TET3: variants seen among roughly 807,000 people sequenced by gnomAD.
The protein encoded by TET3 is methylcytosine dioxygenase TET3.
Under a neutral mutation model 141.4 loss-of-function variants are expected in TET3, and 19 were observed. That is an observed-to-expected ratio of 0.13 (90% confidence interval 0.09 to 0.20). TET3 has a LOEUF of 0.20. TET3 is among the 10% of genes least tolerant of loss of function. The pLI is 1.00. For synonymous variants in TET3, 1,043 were observed against 980.9 expected, an observed-to-expected ratio of 1.06 and a Z score of -1.18; for missense variants, 1,874 against 2,356.9, an observed-to-expected ratio of 0.80 and a Z score of 4.24.
chr2:73,985,460 G>C (rs1312002458), intron 1 of TET3, among the ~76,000 whole-genome samples: 1 of 143,164 alleles, frequency 7.0e-6, no homozygotes, highest in East Asian at 2.1e-4. Flanking sequence ...CCCTCCCCGC[G>C]CCCCTCGGCG....
intron 6 of TET3, among the ~76,000 whole-genome samples, chr2:74,085,987 A>G (rs1251145542): frequency 6.6e-6 from 1 of 152,144 alleles, no homozygotes; most frequent in Non-Finnish European, 1.5e-5. Context: ...TTTTGCTTGC[A>G]TTATGTCAAT....
intron 3 of TET3, among the ~76,000 whole-genome samples, chr2:74,020,356 G>A (rs1486054579): frequency 6.6e-6 from 1 of 152,106 alleles, no homozygotes; most frequent in Non-Finnish European, 1.5e-5. Context: ...GCTATTCTTT[G>A]TATTTTTTTA....
chr2:74,055,504 G>A (rs1333342442), intron 4 of TET3, among the ~76,000 whole-genome samples: 1 of 152,160 alleles, frequency 6.6e-6, no homozygotes, highest in African/African-American at 2.4e-5. Flanking sequence ...CATGGCTGTG[G>A]CTTTGTAACT....
At chr2:74,060,575 G>A (rs1407873313) in intron 4 of TET3, among the ~76,000 whole-genome samples, 1 of 151,910 alleles carries the variant, frequency 6.6e-6, no homozygotes, top group African/African-American at 2.4e-5. Flanking sequence ...CTCGCAGAGG[G>A]GGATTTGGCA....
chr2:74,105,647 C>A lies in TET3; in HGVS notation c.*3471C>A, dbSNP rs1691451560. 1 of 356,536 alleles carries A rather than the reference C, an allele frequency of 2.8e-6. No individual in the cohort carries two copies. Among genetic ancestry groups the A allele is most frequent in the Non-Finnish European group, 5.0e-6 (1 of 199,380 alleles). The allele number at this position is 356,536 out of a possible 1,614,324, so 22.1% of individuals were successfully genotyped here. On this transcript the variant is annotated 3_prime_UTR_variant, in exon 12 of 12. Coordinates refer to ENST00000409262, the MANE Select transcript of TET3 (RefSeq NM_001287491.2). Reference sequence around the variant, plus strand: ...CACCGCCCCCTCTTGGTCCTTCCACCAGCCTCTTTTGGGAACAGTAGTTTG... The same window carrying A: ...CACCGCCCCCTCTTGGTCCTTCCACAAGCCTCTTTTGGGAACAGTAGTTTG...
chr2:74,108,047 T>C lies in TET3; in HGVS notation c.*5871T>C, dbSNP rs1299530416. On this transcript the variant is annotated 3_prime_UTR_variant, in exon 12 of 12. Coordinates refer to ENST00000409262, the MANE Select transcript of TET3 (RefSeq NM_001287491.2). Reference sequence around the variant, plus strand: ...TTAGGGTGCCTAGAAATTGCAAGTATGTATCCTTTTTGATTTGTATTTTAT... The same window carrying C: ...TTAGGGTGCCTAGAAATTGCAAGTACGTATCCTTTTTGATTTGTATTTTAT... The C allele has an allele frequency of 6.5e-6, 1 of 153,788 alleles. No individual in the cohort carries two copies. Among genetic ancestry groups the C allele is most frequent in the African/African-American group, 2.4e-5 (1 of 41,452 alleles). The allele number at this position is 153,788 out of a possible 1,614,324, so 9.5% of individuals were successfully genotyped here.
chr2:74,060,776 A>G (rs1161886927), intron 4 of TET3, among the ~76,000 whole-genome samples: 3 of 152,216 alleles, frequency 2.0e-5, no homozygotes, highest in African/African-American at 7.2e-5. Context: ...CACATCTTGC[A>G]CCGCCCTTAA....
the TET3 span, among the ~76,000 whole-genome samples, chr2:74,125,472 A>G: frequency 6.6e-6 from 1 of 152,192 alleles, no homozygotes; most frequent in Non-Finnish European, 1.5e-5. Context: ...CAAGTTTTTC[A>G]TGCTGAGATG....
At chr2:74,037,310 A>C (rs951735509) in intron 3 of TET3, among the ~76,000 whole-genome samples, 2 of 152,282 alleles carry the variant, frequency 1.3e-5, no homozygotes, top group African/African-American at 4.8e-5. Context: ...CCTAGACAGA[A>C]CATGCCATAA....
In TET3 at chr2:74,003,129, A is replaced by G; in HGVS notation, c.323A>G (p.Glu108Gly). ...LLKEVEIKAG[E>G]GAGPWGQGAA... The stretch of plus-strand genomic sequence containing the variant: ...TTGCAGGTGGAAATAAAGGCTGGTG[A>G]AGGAGCCGGGCCGTGGGGACAAGGA... Residue 108 changes from glutamate (E) to glycine (G), a missense_variant, in exon 3 of 12, where the codon GAA becomes GGA. Physicochemically the swap from Glu to Gly is moderately conservative, Grantham distance 98. Coordinates refer to ENST00000409262, the MANE Select transcript of TET3 (RefSeq NM_001287491.2). 6.4e-7 allele frequency: 1 copy of G among 1,550,418 alleles called. No homozygotes were observed. Among genetic ancestry groups the G allele is most frequent in the Non-Finnish European group, 8.7e-7 (1 of 1,146,938 alleles).
At chr2:73,989,149 G>C (rs1381022403) in intron 2 of TET3, among the ~76,000 whole-genome samples, 3 of 152,046 alleles carry the variant, frequency 2.0e-5, no homozygotes, top group Admixed American at 6.5e-5. Flanking sequence ...CCCAAGACCA[G>C]CCCAGCATTT....
chr2:74,118,139 A>C, the TET3 span, among the ~76,000 whole-genome samples: 1 of 152,254 alleles, frequency 6.6e-6, no homozygotes. Context: ...AGATACTATC[A>C]CCAGTAAATT....
At chr2:74,016,163 T>C (rs1051097070) in intron 3 of TET3, among the ~76,000 whole-genome samples, 2 of 151,428 alleles carry the variant, frequency 1.3e-5, no homozygotes, top group Non-Finnish European at 2.9e-5. Context: ...AGGCCAAGAG[T>C]TCTAGATCAG....
At chr2:74,012,914 T>G (rs950345436) in intron 3 of TET3, among the ~76,000 whole-genome samples, 1 of 151,260 alleles carries the variant, frequency 6.6e-6, no homozygotes, top group Non-Finnish European at 1.5e-5. Flanking sequence ...CATGTCTGTT[T>G]AGCATGGTTT....
At chr2:74,080,832 C>T (rs1023570944) in intron 6 of TET3, among the ~76,000 whole-genome samples, 2 of 152,180 alleles carry the variant, frequency 1.3e-5, no homozygotes, top group Admixed American at 1.3e-4. Context: ...TGTTTAAATG[C>T]CAGTCCCCGA....
intron 5 of TET3, among the ~76,000 whole-genome samples, chr2:74,079,503 T>G (rs1483035666): frequency 6.6e-6 from 1 of 152,186 alleles, no homozygotes; most frequent in East Asian, 1.9e-4. Flanking sequence ...AATAAGAAGA[T>G]TCTGTAAGAT....
intron 4 of TET3, among the ~76,000 whole-genome samples, chr2:74,065,810 G>A (rs894765037): frequency 1.3e-5 from 2 of 150,246 alleles, no homozygotes; most frequent in Admixed American, 6.7e-5. Context: ...CAAGGCTGGA[G>A]TGCAGTGGTG....
intron 3 of TET3, among the ~76,000 whole-genome samples, chr2:74,012,447 G>A (rs1685485292): frequency 6.6e-6 from 1 of 152,198 alleles, no homozygotes. Flanking sequence ...GCACACAGGG[G>A]TAAAGTTTTC....
At chr2:74,121,456 TAAA>T in the TET3 span, 1 of 152,186 alleles carries the variant, frequency 6.6e-6, no homozygotes, top group Non-Finnish European at 1.5e-5. Flanking sequence ...CAGCTGGTAA[TAAA>T]AACTTTCAAG....
Sources: gnomAD v4.1 joint callset for allele counts (sites outside exome capture counted in the v4.1 genomes callset) on GRCh38, gnomAD v4.1.1 for gene constraint, MANE v1.5 for transcripts, NCBI Gene and HGNC (gene_info 2026-07-23, HGNC 2026-07-21) for gene names.